PLCB1: variants seen among roughly 807,000 people sequenced by gnomAD.
The protein encoded by PLCB1 is 1-phosphatidylinositol 4,5-bisphosphate phosphodiesterase beta-1.
PLCB1 carries 46 observed loss-of-function variants against 161.8 expected under a neutral mutation model. That is an observed-to-expected ratio of 0.28 (90% CI 0.22 to 0.36). PLCB1 has a LOEUF of 0.36. Ranked by LOEUF, PLCB1 falls within the 10% of genes least tolerant of loss-of-function variation. The probability of loss-of-function intolerance (pLI) is 1.00; values close to 1 mark genes in which losing one functional copy is unlikely to be tolerated. For missense variants in PLCB1, 1,016 were observed against 1,472.5 expected (o/e 0.69, Z 5.07); for synonymous variants, 517 against 503.7 (o/e 1.03, Z -0.35).
chr20:8,457,860 C>G (rs1011907491), intron 3 of PLCB1, among the ~76,000 whole-genome samples: 60 of 152,136 alleles, frequency 3.9e-4, no homozygotes, highest in African/African-American at 1.3e-3. Flanking sequence ...CCTCTCTGTG[C>G]TCTTACCAGA....
rs149000992 is a variant in PLCB1, at chr20:8,496,658, G to A, written c.246+125208G>A. On this transcript the variant is annotated intron_variant, in intron 3 of 31. Coordinates refer to ENST00000338037, the MANE Select transcript of PLCB1 (RefSeq NM_015192.4). ...GATTTTCTTCCCAGGGTGCTTTTTT[G>A]GCATGGAGTTGGCTAAGAATGTCCT... Among the ~76,000 whole-genome samples, 615 of 152,160 alleles carry A rather than the reference G, an allele frequency of 4.0e-3. 3 individuals carry two copies. The highest frequency in any genetic ancestry group is 0.013 in the African/African-American group (546 of 41,512).
intron 31 of PLCB1, among the ~76,000 whole-genome samples, chr20:8,871,941 C>T (rs2146325808): frequency 6.6e-6 from 1 of 152,164 alleles, no homozygotes; most frequent in South Asian, 2.1e-4. Context: ...TTTATTATTC[C>T]TATGTTATAC....
chr20:8,346,055 A>G (rs1233200443), intron 2 of PLCB1, among the ~76,000 whole-genome samples: 1 of 152,212 alleles, frequency 6.6e-6, no homozygotes, highest in Non-Finnish European at 1.5e-5. Flanking sequence ...TAAAAATTAT[A>G]AGAGAAGTTT....
intron 2 of PLCB1, among the ~76,000 whole-genome samples, chr20:8,328,615 A>G (rs1228636230): frequency 1.3e-5 from 2 of 151,132 alleles, no homozygotes; most frequent in Admixed American, 1.3e-4. Flanking sequence ...TATATGAATT[A>G]TATAAACTTT....
chr20:8,370,434 C>T (rs1186362097), intron 2 of PLCB1, among the ~76,000 whole-genome samples: 1 of 152,200 alleles, frequency 6.6e-6, no homozygotes, highest in Admixed American at 6.5e-5. Context: ...GTACCTGCAC[C>T]TTTGCAGTTC....
chr20:8,471,352 T>C (rs1338335881), intron 3 of PLCB1, among the ~76,000 whole-genome samples: 1 of 152,192 alleles, frequency 6.6e-6, no homozygotes, highest in Non-Finnish European at 1.5e-5. Context: ...TAATCATTTC[T>C]TTTGGGACTT....
At chr20:8,333,048 C>T (rs1985426842) in intron 2 of PLCB1, among the ~76,000 whole-genome samples, 1 of 152,168 alleles carries the variant, frequency 6.6e-6, no homozygotes, top group South Asian at 2.1e-4. Context: ...GACCATTTCT[C>T]ACCAATAAAA....
At chr20:8,271,321 A>ATGAT (rs1476814217) in intron 2 of PLCB1, among the ~76,000 whole-genome samples, 2 of 152,100 alleles carry the variant, frequency 1.3e-5, no homozygotes, top group Non-Finnish European at 2.9e-5. Flanking sequence ...AGTAGGTTAT[A>ATGAT]TGATTGAAAT....
chr20:8,676,660 AG>A (rs1446571900), intron 9 of PLCB1, among the ~76,000 whole-genome samples: 2 of 150,672 alleles, frequency 1.3e-5, no homozygotes, highest in African/African-American at 4.9e-5. Flanking sequence ...AAAGATACAA[AG>A]GAAGATCCCT....
chr20:8,761,475 A>G (rs1430892977), intron 25 of PLCB1, among the ~76,000 whole-genome samples: 1 of 152,228 alleles, frequency 6.6e-6, no homozygotes, highest in Admixed American at 6.5e-5. Flanking sequence ...ATATGCGTAG[A>G]AAAATTACTT....
At chr20:8,583,002 A>C (rs1169770178) in intron 3 of PLCB1, among the ~76,000 whole-genome samples, 2 of 151,814 alleles carry the variant, frequency 1.3e-5, no homozygotes, top group Non-Finnish European at 2.9e-5. Context: ...AAAAAAAAAA[A>C]AGAAAAGGAA....
rs2051409405 is a variant in PLCB1 at position 8,142,009 on chromosome 20, A to G, written c.100-8285A>G. 2.0e-5 allele frequency: 3 copies of G among 152,240 alleles called. No individual in the cohort carries two copies. The South Asian group carries it at 6.2e-4, about 32-fold the overall frequency. The allele number at this position is 152,240 out of a possible 1,614,324, so 9.4% of individuals were successfully genotyped here. ...AAGACAGTGTCAACTGAGAGGCCAG[A>G]TCTATATTACTTGTGCAGGGAGGTA... On this transcript the variant is annotated intron_variant, in intron 1 of 31. Coordinates refer to ENST00000338037, the MANE Select transcript of PLCB1 (RefSeq NM_015192.4).
intron 2 of PLCB1, among the ~76,000 whole-genome samples, chr20:8,188,656 G>A (rs911105902): frequency 6.6e-6 from 1 of 152,028 alleles, no homozygotes; most frequent in African/African-American, 2.4e-5. Flanking sequence ...AACTTCCTGG[G>A]AATTGTCTAT....
At chr20:8,660,758 A>G (rs1275297748) in intron 9 of PLCB1, among the ~76,000 whole-genome samples, 1 of 152,170 alleles carries the variant, frequency 6.6e-6, no homozygotes, top group Non-Finnish European at 1.5e-5. Flanking sequence ...AAATATTTAA[A>G]AATTTAAATA....
intron 3 of PLCB1, among the ~76,000 whole-genome samples, chr20:8,579,751 T>G (rs1986776252): frequency 6.6e-6 from 1 of 152,064 alleles, no homozygotes; most frequent in African/African-American, 2.4e-5. Context: ...CAGGTGACTA[T>G]AGAAGAGTCT....
chr20:8,639,538 C>G (rs1234657559), intron 4 of PLCB1, among the ~76,000 whole-genome samples: 1 of 152,318 alleles, frequency 6.6e-6, no homozygotes, highest in Non-Finnish European at 1.5e-5. Flanking sequence ...GAAAAGAGAT[C>G]TATATCAGGA....
At position 8,882,471 on chromosome 20, in the gene PLCB1, GA is replaced by G. The variant is rs527954603; in HGVS notation, c.*632del. The G allele has an allele frequency of 1.5e-4, 23 of 150,550 alleles. 1 individual carries two copies. Among genetic ancestry groups the G allele is most frequent in the Admixed American group, 5.3e-4 (8 of 15,102 alleles). The allele number at this position is 150,550 out of a possible 1,614,324, so 9.3% of individuals were successfully genotyped here. On this transcript the variant is annotated 3_prime_UTR_variant, in exon 32 of 32. Transcript: ENST00000338037. ...AGTGATTCAAATAAGTTTTCTATTT[GA>G]AAAAAAAAATCACTTGATTGTATCC... is the stretch of plus-strand genomic sequence containing the variant.
intron 31 of PLCB1, among the ~76,000 whole-genome samples, chr20:8,839,752 A>AC (rs368082373): frequency 0.058 from 8,632 of 148,418 alleles, 391 homozygotes; most frequent in Middle Eastern, 0.11. Context: ...AAAAAAAAAA[A>AC]GCCTTGGCCA....
At chr20:8,243,405 AGGTCT>A (rs1264532560) in intron 2 of PLCB1, among the ~76,000 whole-genome samples, 1 of 152,038 alleles carries the variant, frequency 6.6e-6, no homozygotes, top group Non-Finnish European at 1.5e-5. Context: ...CAGGCAACAT[AGGTCT>A]GAAAGAATGG....
Sources: gnomAD v4.1 joint callset for allele counts (sites outside exome capture counted in the v4.1 genomes callset) on GRCh38, gnomAD v4.1.1 for gene constraint, MANE v1.5 for transcripts, NCBI Gene and HGNC (gene_info 2026-07-23, HGNC 2026-07-21) for gene names.